The following SDK1 variants were observed in gnomAD, a reference collection of about 807,000 sequenced individuals.
The protein encoded by SDK1 is sidekick cell adhesion molecule 1.
In SDK1, 157 loss-of-function variants were observed where a neutral mutation model predicts 245.5. The observed-to-expected ratio is 0.64, with a 90% CI of 0.56 to 0.73. The LOEUF is 0.73. SDK1 is among the 30% of genes least tolerant of loss of function. The pLI is 0.00. For missense variants in SDK1, 3,583 were observed against 3,002.3 expected (o/e 1.19, Z -4.52); for synonymous variants, 1,647 against 1,278.5 (o/e 1.29, Z -6.15).
chr7:3,602,296 A>G (rs1781278271), intron 1 of SDK1, among the ~76,000 whole-genome samples: 1 of 151,178 alleles, frequency 6.6e-6, no homozygotes, highest in Non-Finnish European at 1.5e-5. Flanking sequence ...TCCCACCAAC[A>G]GTGTAAAAGT....
chr7:3,971,479 C>A lies in SDK1; in HGVS notation c.1728C>A (p.Ile576=), dbSNP rs140973897. The change falls in exon 12 of 45, where the codon ATC becomes ATA. Residue 576 remains isoleucine, a synonymous_variant. Transcript: ENST00000404826. The part of the protein sequence containing the change: ...ATLTVWNRTS[I]VHPPEDHVVI... ...TGTTTTTTTCAGATCGGACGTCCAT[C>A]GTCCACCCTCCTGAGGACCACGTGG... is the stretch of plus-strand genomic sequence containing the variant. The A allele has an allele frequency of 6.2e-7, 1 of 1,611,892 alleles. No homozygotes were observed. Among genetic ancestry groups the A allele is most frequent in the Non-Finnish European group, 8.5e-7 (1 of 1,178,460 alleles).
intron 1 of SDK1, among the ~76,000 whole-genome samples, chr7:3,532,242 A>G (rs961463050): frequency 1.3e-5 from 2 of 152,116 alleles, no homozygotes; most frequent in African/African-American, 4.8e-5. Context: ...TGGCTTGTGA[A>G]CCCAAAGTTG....
intron 1 of SDK1, among the ~76,000 whole-genome samples, chr7:3,587,810 T>A (rs929702849): frequency 1.3e-5 from 2 of 152,226 alleles, no homozygotes; most frequent in African/African-American, 4.8e-5. Flanking sequence ...TTTCCATGGG[T>A]AGACATCAGC....
Position 4,265,388 on chromosome 7 carries a change from A to AAGCGCCGCGCCTCCCTCAGGGCGG in SDK1, c.*6_*29dup. On this transcript the variant is annotated 3_prime_UTR_variant, in exon 45 of 45. Transcript: ENST00000404826. ...CGGCTTCTCCTCCTTCGTGTGAGCAAAGCGCCGCGCCTCCCTCAGGGCGGA... is the reference window on the plus strand; with the variant it reads ...CGGCTTCTCCTCCTTCGTGTGAGCAAAGCGCCGCGCCTCCCTCAGGGCGGAGCGCCGCGCCTCCCTCAGGGCGGA... The AAGCGCCGCGCCTCCCTCAGGGCGG allele has an allele frequency of 7.0e-7, 1 of 1,428,324 alleles. No individual in the cohort carries two copies. The highest frequency in any genetic ancestry group is 9.1e-7 in the Non-Finnish European group (1 of 1,102,026). The allele number at this position is 1,428,324 out of a possible 1,614,324, so 88.5% of individuals were successfully genotyped here.
intron 5 of SDK1, among the ~76,000 whole-genome samples, chr7:3,880,663 C>G (rs1781186604): frequency 6.6e-6 from 1 of 151,408 alleles, no homozygotes; most frequent in Non-Finnish European, 1.5e-5. Flanking sequence ...ACCACTCCCT[C>G]CCGCTCTTAC....
At chr7:3,730,909 A>T (rs1779157431) in intron 4 of SDK1, among the ~76,000 whole-genome samples, 1 of 152,080 alleles carries the variant, frequency 6.6e-6, no homozygotes, top group Non-Finnish European at 1.5e-5. Context: ...GTCTTTTTGG[A>T]ATACAGCATC....
intron 37 of SDK1, among the ~76,000 whole-genome samples, chr7:4,209,423 G>A (rs1784400151): frequency 6.6e-6 from 1 of 152,306 alleles, no homozygotes; most frequent in South Asian, 2.1e-4. Flanking sequence ...CCCGGGCAGA[G>A]GGGGAGCTGC....
intron 4 of SDK1, among the ~76,000 whole-genome samples, chr7:3,817,512 C>A (rs1779539230): frequency 6.6e-6 from 1 of 152,196 alleles, no homozygotes; most frequent in African/African-American, 2.4e-5. Context: ...CTTCAGGCAC[C>A]TATGCAGTGC....
chr7:4,157,478 G>GAAGGAAGGAGGGAAGGAAGGAAGGAAGGA (rs376827178), intron 30 of SDK1, among the ~76,000 whole-genome samples: 7 of 136,008 alleles, frequency 5.1e-5, no homozygotes, highest in African/African-American at 8.4e-5. Context: ...AGGAAGGAGG[G>GAAGGAAGGAGGGAAGGAAGGAAGGAAGGA]AAGGAAGGGA....
At chr7:3,484,291 AT>A (rs947200664) in intron 1 of SDK1, among the ~76,000 whole-genome samples, 18 of 151,916 alleles carry the variant, frequency 1.2e-4, no homozygotes, top group Admixed American at 7.9e-4. Context: ...GTATACACAC[AT>A]TTTTTTTCAA....
intron 44 of SDK1, among the ~76,000 whole-genome samples, chr7:4,251,840 G>T (rs1434345779): frequency 6.6e-6 from 1 of 152,116 alleles, no homozygotes; most frequent in African/African-American, 2.4e-5. Flanking sequence ...TCTACTTTTT[G>T]GTTACTGTGA....
chr7:3,604,086 A>G (rs1030545743), intron 1 of SDK1, among the ~76,000 whole-genome samples: 2 of 152,196 alleles, frequency 1.3e-5, no homozygotes, highest in African/African-American at 2.4e-5. Flanking sequence ...TCGGTTTGCC[A>G]GTATTTTATT....
chr7:3,427,840 G>A (rs7788052), intron 1 of SDK1, among the ~76,000 whole-genome samples: 88,502 of 132,712 alleles, frequency 0.67, 26,573 homozygotes, highest in South Asian at 0.75. Context: ...TCTCTTAGAT[G>A]TCGTTAGTGT....
intron 1 of SDK1, among the ~76,000 whole-genome samples, chr7:3,555,083 C>G (rs968053844): frequency 4.6e-5 from 7 of 151,988 alleles, no homozygotes; most frequent in African/African-American, 1.7e-4. Flanking sequence ...AAAAACAATC[C>G]TAAAATTTAA....
intron 5 of SDK1, among the ~76,000 whole-genome samples, chr7:3,849,997 G>A (rs916784097): frequency 2.0e-5 from 3 of 152,220 alleles, no homozygotes; most frequent in African/African-American, 7.2e-5. Context: ...TCATTCACAA[G>A]TTGAGAAAGG....
At position 4,026,011 on chromosome 7, in the gene SDK1, C is replaced by G. The variant is rs909983026; in HGVS notation, c.2602+8659C>G. ...GAAATGCTGAATCCGGGACTGCAGC[C>G]CAGAAGGCGCATGGGGAAATTAGGT... On this transcript the variant is annotated intron_variant, in intron 17 of 44. Transcript: ENST00000404826. The surrounding 1 kb of genome is among the most constrained non-coding windows in gnomAD (Gnocchi z 4.1). 1.3e-5 allele frequency among the ~76,000 whole-genome samples: 2 copies of G among 152,186 alleles called. No homozygotes were observed. Among genetic ancestry groups the G allele is most frequent in the Non-Finnish European group, 2.9e-5 (2 of 68,034 alleles).
At chr7:3,563,508 G>T (rs76698553) in intron 1 of SDK1, among the ~76,000 whole-genome samples, 4 of 152,074 alleles carry the variant, frequency 2.6e-5, no homozygotes, top group Admixed American at 2.0e-4. Context: ...AATATGACAA[G>T]AAGATGTAAC....
chr7:3,642,196 C>T (rs537629783), intron 4 of SDK1, 91 bp downstream of exon 4: 35 of 1,290,662 alleles, frequency 2.7e-5, no homozygotes, highest in Admixed American at 8.9e-5. Context: ...TTAAGGTTAC[C>T]GATGATTTAA....
At chr7:3,891,749 A>G (rs1486608120) in intron 5 of SDK1, among the ~76,000 whole-genome samples, 1 of 152,190 alleles carries the variant, frequency 6.6e-6, no homozygotes, top group African/African-American at 2.4e-5. Flanking sequence ...GCAAGAGCCA[A>G]TGATTGCATC....
Sources: allele counts gnomAD v4.1 joint callset (sites outside exome capture counted in the v4.1 genomes callset), GRCh38; gene constraint gnomAD v4.1.1; non-coding constraint Gnocchi (gnomAD v3.1); transcripts MANE v1.5; gene names NCBI Gene and HGNC (gene_info 2026-07-23, HGNC 2026-07-21).